Variants in ZNF804B observed in about 807,000 individuals in gnomAD.
The protein encoded by ZNF804B is zinc finger 804B.
In ZNF804B, 80 loss-of-function variants were observed where a neutral mutation model predicts 101.4. That is an observed-to-expected ratio of 0.79 (90% CI 0.66 to 0.95). The LOEUF is 0.95. ZNF804B is among the 40% of genes least tolerant of loss of function. The probability of loss-of-function intolerance (pLI) is 0.00; values close to 1 mark genes in which losing one functional copy is unlikely to be tolerated. For synonymous variants in ZNF804B, 622 were observed against 558.8 expected (o/e 1.11, Z -1.59); for missense variants, 1,673 against 1,561.9 (o/e 1.07, Z -1.20).
At position 88,759,721 on chromosome 7, in the gene ZNF804B, T is replaced by C; in HGVS notation, c.-256T>C. On this transcript the variant is annotated 5_prime_UTR_variant, in exon 1 of 4. It removes an upstream start codon present in the reference 5' UTR. Coordinates refer to ENST00000333190, the MANE Select transcript of ZNF804B (RefSeq NM_181646.5). ...GAGCAGCCACCTCGTCAGAGCAGCATGTGGACTGGCTCGCCGGGTCCCCTC... is the reference window on the plus strand; with the variant it reads ...GAGCAGCCACCTCGTCAGAGCAGCACGTGGACTGGCTCGCCGGGTCCCCTC... 1.9e-6 allele frequency: 1 copy of C among 517,618 alleles called. No individual in the cohort carries two copies. Among genetic ancestry groups the C allele is most frequent in the South Asian group, 2.4e-5 (1 of 41,406 alleles). 32.1% of individuals were successfully genotyped at this position (517,618 alleles called of 1,614,324 possible).
At chr7:88,810,087 A>C (rs1028991286) in intron 1 of ZNF804B, among the ~76,000 whole-genome samples, 1 of 152,204 alleles carries the variant, frequency 6.6e-6, no homozygotes, top group South Asian at 2.1e-4. Flanking sequence ...ACCACTACCA[A>C]TGTTCCGTGA....
chr7:89,249,182 A>T (rs1169615618), intron 2 of ZNF804B, among the ~76,000 whole-genome samples: 1 of 152,222 alleles, frequency 6.6e-6, no homozygotes. Flanking sequence ...AGATGTAGAT[A>T]GCCACACAAT....
chr7:89,261,039 A>G (rs1453216033), intron 2 of ZNF804B, among the ~76,000 whole-genome samples: 2 of 152,294 alleles, frequency 1.3e-5, no homozygotes, highest in East Asian at 3.9e-4. Context: ...GCTCAATTGA[A>G]ATGAGTACTG....
intron 1 of ZNF804B, among the ~76,000 whole-genome samples, chr7:89,098,683 T>C (rs971503314): frequency 1.3e-5 from 2 of 152,120 alleles, no homozygotes; most frequent in Non-Finnish European, 2.9e-5. Flanking sequence ...TGGATTCAAA[T>C]TTCATTCTAA....
At chr7:89,192,064 CTTA>C (rs1474500757) in intron 1 of ZNF804B, among the ~76,000 whole-genome samples, 1 of 151,962 alleles carries the variant, frequency 6.6e-6, no homozygotes, top group Non-Finnish European at 1.5e-5. Context: ...CTTAAGGATT[CTTA>C]TTAGGAGGAT....
intron 2 of ZNF804B, among the ~76,000 whole-genome samples, chr7:89,234,082 G>T (rs966385855): frequency 6.6e-6 from 1 of 152,142 alleles, no homozygotes; most frequent in African/African-American, 2.4e-5. Flanking sequence ...AGCCATGTAA[G>T]TAAGTAATCA....
At chr7:89,009,018 T>C (rs1162334789) in intron 1 of ZNF804B, among the ~76,000 whole-genome samples, 3 of 152,142 alleles carry the variant, frequency 2.0e-5, no homozygotes, top group East Asian at 3.9e-4. Flanking sequence ...ATCATGAGTA[T>C]CCTAATTTGC....
intron 2 of ZNF804B, among the ~76,000 whole-genome samples, chr7:89,228,999 C>T (rs893128045): frequency 1.3e-5 from 2 of 152,194 alleles, no homozygotes; most frequent in Non-Finnish European, 2.9e-5. Flanking sequence ...CCAGTGCCGG[C>T]GGGGCCGGCC....
intron 1 of ZNF804B, among the ~76,000 whole-genome samples, chr7:89,108,601 C>T (rs777225665): frequency 3.1e-4 from 47 of 152,114 alleles, no homozygotes; most frequent in Non-Finnish European, 6.3e-4. Context: ...CAATGCAACA[C>T]GTTTAATGGT....
chr7:89,218,366 A>C, intron 2 of ZNF804B, 71 bp downstream of exon 2: 1 of 1,539,668 alleles, frequency 6.5e-7, no homozygotes, highest in Non-Finnish European at 8.9e-7. Context: ...TATGAATTTG[A>C]CCTTATTTAC....
chr7:89,249,029 TA>T (rs58553222), intron 2 of ZNF804B, among the ~76,000 whole-genome samples: 18,175 of 119,094 alleles, frequency 0.15, 1,222 homozygotes, highest in Middle Eastern at 0.3. Context: ...CCAATAACAG[TA>T]AAAAAAAAAA....
chr7:89,037,054 C>T (rs1221291544), intron 1 of ZNF804B, among the ~76,000 whole-genome samples: 1 of 151,990 alleles, frequency 6.6e-6, no homozygotes, highest in Admixed American at 6.6e-5. Flanking sequence ...AATTACTTGC[C>T]ACATTACACG....
At chr7:89,101,353 C>A (rs1790052643) in intron 1 of ZNF804B, among the ~76,000 whole-genome samples, 3 of 151,900 alleles carry the variant, frequency 2.0e-5, no homozygotes, top group Admixed American at 2.0e-4. Flanking sequence ...TCATTTATGA[C>A]AATATTTCTA....
At chr7:89,073,945 G>A (rs1339946619) in intron 1 of ZNF804B, among the ~76,000 whole-genome samples, 1 of 152,128 alleles carries the variant, frequency 6.6e-6, no homozygotes, top group Non-Finnish European at 1.5e-5. Context: ...ACAGCCCAGA[G>A]CTTGTCATAG....
chr7:89,147,455 T>C (rs553090516), intron 1 of ZNF804B, among the ~76,000 whole-genome samples: 2 of 152,100 alleles, frequency 1.3e-5, no homozygotes, highest in Non-Finnish European at 2.9e-5. Context: ...GTCAAAATTG[T>C]TTTCATGTTG....
At position 88,961,419 on chromosome 7, in the gene ZNF804B, GAAGA is replaced by G. The variant is rs527411416; in HGVS notation, c.108+201336_108+201339del. Among the ~76,000 whole-genome samples the G allele has an allele frequency of 8.6e-5, 13 of 151,494 alleles. No individual in the cohort carries two copies. The East Asian group carries it at 2.6e-3, about 30-fold the overall frequency. ...ATTTATGAATGTTTAGATGCTAAATGAAGATTGATTGCTGTCCTGCACTTCAGTT... is the reference window on the plus strand; with the variant it reads ...ATTTATGAATGTTTAGATGCTAAATGTTGATTGCTGTCCTGCACTTCAGTT... On this transcript the variant is annotated intron_variant, in intron 1 of 3. Coordinates refer to ENST00000333190, the MANE Select transcript of ZNF804B (RefSeq NM_181646.5).
At chr7:88,911,811 C>G (rs770631961) in intron 1 of ZNF804B, among the ~76,000 whole-genome samples, 2 of 151,098 alleles carry the variant, frequency 1.3e-5, no homozygotes, top group Non-Finnish European at 3.0e-5. Context: ...AGTTGATGTC[C>G]CTTTTCTGAA....
intron 1 of ZNF804B, among the ~76,000 whole-genome samples, chr7:89,057,968 A>G (rs748277824): frequency 6.6e-5 from 10 of 152,116 alleles, no homozygotes; most frequent in Non-Finnish European, 1.5e-4. Flanking sequence ...AGTAAAGAGA[A>G]CAACTGAGGC....
intron 2 of ZNF804B, among the ~76,000 whole-genome samples, chr7:89,270,831 G>T (rs893292448): frequency 2.6e-5 from 4 of 152,128 alleles, no homozygotes; most frequent in African/African-American, 9.7e-5. Context: ...TGAAGAAATT[G>T]TGAATGGGAG....
Sources: gnomAD v4.1 joint callset for allele counts (sites outside exome capture counted in the v4.1 genomes callset) on GRCh38, gnomAD v4.1.1 for gene constraint, MANE v1.5 for transcripts, NCBI Gene and HGNC (gene_info 2026-07-23, HGNC 2026-07-21) for gene names.